PLXDC2: variants seen among roughly 807,000 people sequenced by gnomAD.
PLXDC2 encodes the protein plexin domain containing 2, also known as plexin domain-containing protein 2.
Under a neutral mutation model 68.9 loss-of-function variants are expected in PLXDC2, and 40 were observed. The ratio of observed to expected loss-of-function variants is 0.58; its 90% confidence interval spans 0.45 to 0.76. The LOEUF (loss-of-function observed/expected upper bound fraction) is 0.76. PLXDC2 is among the 30% of genes least tolerant of loss of function. The pLI, the probability that PLXDC2 is intolerant of heterozygous loss-of-function variation, is 0.00. For synonymous variants in PLXDC2, 243 were observed against 234.2 expected (o/e 1.04, Z -0.34); for missense variants, 644 against 661.9 (o/e 0.97, Z 0.30).
chr10:20,198,215 T>C (rs1046508036), intron 9 of PLXDC2, among the ~76,000 whole-genome samples: 11 of 152,138 alleles, frequency 7.2e-5, no homozygotes, highest in Admixed American at 5.9e-4. Context: ...TGAAGTATGT[T>C]AGAAATCAGA....
rs1226025652 is a variant in PLXDC2 at position 19,846,665 on chromosome 10, G to T, written c.112+29474G>T. Among the ~76,000 whole-genome samples, 3 of 152,124 alleles carry T rather than the reference G, an allele frequency of 2.0e-5. No individual in the cohort carries two copies. In the South Asian group the frequency reaches 6.3e-4, roughly 32 times the overall value. On this transcript the variant is annotated intron_variant, in intron 1 of 13. Transcript: ENST00000377252. Reference sequence around the variant, plus strand: ...GGGTCTGATATCAGTAACTCCTTTGGGAGCCAATGTCAAGATATGCAGTGT... The same window carrying T: ...GGGTCTGATATCAGTAACTCCTTTGTGAGCCAATGTCAAGATATGCAGTGT...
chr10:20,171,520 A>T (rs2131821264), intron 7 of PLXDC2, among the ~76,000 whole-genome samples: 1 of 152,300 alleles, frequency 6.6e-6, no homozygotes, highest in African/African-American at 2.4e-5. Flanking sequence ...TCCAAGAAAG[A>T]GAGCATTGTA....
chr10:19,848,233 C>G (rs1427941157), intron 1 of PLXDC2, among the ~76,000 whole-genome samples: 1 of 152,032 alleles, frequency 6.6e-6, no homozygotes, highest in Non-Finnish European at 1.5e-5. Context: ...AAATGAGACA[C>G]AAGACGTACC....
At chr10:19,949,123 C>CAAAAAAAAAAAAAAAAAAAAAAAA (rs60138814) in intron 1 of PLXDC2, among the ~76,000 whole-genome samples, 1 of 82,918 alleles carries the variant, frequency 1.2e-5, no homozygotes, top group Non-Finnish European at 2.1e-5. Flanking sequence ...GAGACTTTGT[C>CAAAAAAAAAAAAAAAAAAAAAAAA]AAAAAAAAAA....
At chr10:20,133,969 C>A (rs1833901811) in intron 4 of PLXDC2, among the ~76,000 whole-genome samples, 1 of 152,092 alleles carries the variant, frequency 6.6e-6, no homozygotes, top group African/African-American at 2.4e-5. Flanking sequence ...GATTCTTTCT[C>A]CTGCTTTAAC....
intron 2 of PLXDC2, among the ~76,000 whole-genome samples, chr10:20,039,838 C>T (rs1442706458): frequency 6.6e-6 from 1 of 152,132 alleles, no homozygotes; most frequent in Non-Finnish European, 1.5e-5. Context: ...ATCTTCCACC[C>T]ATATCTTTAG....
intron 1 of PLXDC2, among the ~76,000 whole-genome samples, chr10:19,869,509 G>A (rs1161569736): frequency 2.0e-5 from 3 of 148,092 alleles, no homozygotes; most frequent in Non-Finnish European, 4.5e-5. Context: ...AGGGAGACCA[G>A]TACATTAAAT....
At chr10:20,200,951 C>T (rs1269744796) in intron 9 of PLXDC2, among the ~76,000 whole-genome samples, 1 of 152,028 alleles carries the variant, frequency 6.6e-6, no homozygotes, top group Non-Finnish European at 1.5e-5. Context: ...ACTGGTACAG[C>T]CGCTGTGGAG....
Position 20,123,856 on chromosome 10 carries a change from A to G in PLXDC2, c.542-19439A>G, listed in dbSNP as rs1833733614. Among the ~76,000 whole-genome samples the G allele has an allele frequency of 2.0e-5, 3 of 152,004 alleles. 1 individual carries two copies. In the South Asian group the frequency reaches 6.3e-4, roughly 32 times the overall value. ...AGATATAAGAGGTTGGGGCATGGAA[A>G]TAAGGGATTGGGGTGCAGAGATATA... On this transcript the variant is annotated intron_variant, in intron 4 of 13. Coordinates refer to ENST00000377252, the MANE Select transcript of PLXDC2 (RefSeq NM_032812.9).
intron 1 of PLXDC2, among the ~76,000 whole-genome samples, chr10:19,856,714 C>T (rs1467619880): frequency 6.6e-6 from 1 of 152,144 alleles, no homozygotes; most frequent in Non-Finnish European, 1.5e-5. Flanking sequence ...TAAACTGTTT[C>T]CAGACATGAA....
intron 4 of PLXDC2, among the ~76,000 whole-genome samples, chr10:20,139,397 A>T (rs1833972370): frequency 6.6e-6 from 1 of 152,274 alleles, no homozygotes; most frequent in Non-Finnish European, 1.5e-5. Flanking sequence ...GCAAAGGCAG[A>T]TGAGCAGATG....
chr10:19,852,186 T>C (rs917975366), intron 1 of PLXDC2, among the ~76,000 whole-genome samples: 3 of 151,924 alleles, frequency 2.0e-5, no homozygotes, highest in Non-Finnish European at 4.4e-5. Flanking sequence ...AAGAGGATAC[T>C]TGAGACCAGG....
intron 1 of PLXDC2, among the ~76,000 whole-genome samples, chr10:19,822,880 C>G (rs1169921222): frequency 9.9e-5 from 15 of 151,980 alleles, no homozygotes. Flanking sequence ...GTTTATTCCA[C>G]TATTTTCCTA....
At chr10:20,269,001 C>G (rs1410728391) in intron 13 of PLXDC2, among the ~76,000 whole-genome samples, 2 of 152,122 alleles carry the variant, frequency 1.3e-5, no homozygotes, top group African/African-American at 2.4e-5. Context: ...ATATTATGAA[C>G]TAAGGCTAAT....
At chr10:20,269,894 T>G (rs1835913931) in intron 13 of PLXDC2, among the ~76,000 whole-genome samples, 1 of 152,044 alleles carries the variant, frequency 6.6e-6, no homozygotes, top group Non-Finnish European at 1.5e-5. Flanking sequence ...TGTGCGTGCT[T>G]GTAGTCCCAG....
intron 9 of PLXDC2, among the ~76,000 whole-genome samples, chr10:20,191,295 A>T (rs994709477): frequency 3.3e-5 from 5 of 151,792 alleles, no homozygotes; most frequent in Non-Finnish European, 7.4e-5. Context: ...CCTTCCTAGA[A>T]AGCCACTTTT....
chr10:20,044,203 CTCTCTCTGTCTTTCTTT>C (rs1835740391), intron 2 of PLXDC2, among the ~76,000 whole-genome samples: 57 of 131,304 alleles, frequency 4.3e-4, no homozygotes, highest in African/African-American at 1.7e-3. Flanking sequence ...CTCTCTCTCT[CTCTCTCTGTCTTTCTTT>C]CTTTCTTTCT....
intron 4 of PLXDC2, among the ~76,000 whole-genome samples, chr10:20,120,541 G>C (rs1459343489): frequency 6.6e-6 from 1 of 152,150 alleles, no homozygotes; most frequent in East Asian, 1.9e-4. Context: ...GAGGAATTAT[G>C]TCTGACAGAA....
At chr10:19,830,658 A>C (rs1836671349) in intron 1 of PLXDC2, among the ~76,000 whole-genome samples, 1 of 151,364 alleles carries the variant, frequency 6.6e-6, no homozygotes, top group South Asian at 2.1e-4. Flanking sequence ...TTGTGTCTCA[A>C]AAGTGGCCAT....
Sources: allele counts gnomAD v4.1 joint callset (sites outside exome capture counted in the v4.1 genomes callset), GRCh38; gene constraint gnomAD v4.1.1; transcripts MANE v1.5; gene names NCBI Gene and HGNC (gene_info 2026-07-23, HGNC 2026-07-21).